Variants in PDE1C observed in about 807,000 individuals in gnomAD.
PDE1C encodes the protein phosphodiesterase 1C, also known as dual specificity calcium/calmodulin-dependent 3',5'-cyclic nucleotide phosphodiesterase 1C.
In PDE1C, 62 loss-of-function variants were observed where a neutral mutation model predicts 93.1. That is an observed-to-expected ratio of 0.67 (90% CI 0.54 to 0.82). The LOEUF is 0.82. PDE1C is among the 40% of genes least tolerant of loss of function. The probability of loss-of-function intolerance (pLI) is 0.00; values close to 1 mark genes in which losing one functional copy is unlikely to be tolerated. For missense variants in PDE1C, 742 were observed against 884.6 expected, an observed-to-expected ratio of 0.84 and a Z score of 2.04; for synonymous variants, 325 against 310.1, an observed-to-expected ratio of 1.05 and a Z score of -0.50.
chr7:31,792,217 T>C (rs969048242), intron 16 of PDE1C, among the ~76,000 whole-genome samples: 3 of 152,092 alleles, frequency 2.0e-5, no homozygotes, highest in Non-Finnish European at 4.4e-5. Context: ...GGTCCCTATA[T>C]CATAGCTACC....
At chr7:32,310,703 AC>A (rs2128904472) in intron 1 of PDE1C, among the ~76,000 whole-genome samples, 1 of 152,216 alleles carries the variant, frequency 6.6e-6, no homozygotes, top group South Asian at 2.1e-4. Flanking sequence ...TTTGAAACCA[AC>A]GAGAACAAAG....
At chr7:32,400,440 G>T (rs902926708) in intron 1 of PDE1C, among the ~76,000 whole-genome samples, 1 of 152,206 alleles carries the variant, frequency 6.6e-6, no homozygotes, top group Non-Finnish European at 1.5e-5. Flanking sequence ...GAAAATGGGA[G>T]TCTGTGGTCA....
chr7:32,283,432 T>C (rs918155512), intron 1 of PDE1C, among the ~76,000 whole-genome samples: 1 of 152,246 alleles, frequency 6.6e-6, no homozygotes, highest in Non-Finnish European at 1.5e-5. Context: ...GTGTTCTCTT[T>C]GCCAATCCCT....
At chr7:31,964,186 T>C (rs1331068245) in intron 2 of PDE1C, among the ~76,000 whole-genome samples, 1 of 152,134 alleles carries the variant, frequency 6.6e-6, no homozygotes, top group Non-Finnish European at 1.5e-5. Context: ...GTGCAAGTGG[T>C]CAAGGAATTC....
chr7:31,835,025 G>C (rs939722018), intron 11 of PDE1C, among the ~76,000 whole-genome samples: 2 of 152,078 alleles, frequency 1.3e-5, no homozygotes, highest in Non-Finnish European at 2.9e-5. Flanking sequence ...CATGAGATCT[G>C]ATGGTTTTAT....
chr7:32,093,971 T>C (rs990831626), intron 3 of PDE1C, among the ~76,000 whole-genome samples: 28 of 152,156 alleles, frequency 1.8e-4, no homozygotes, highest in African/African-American at 6.8e-4. Flanking sequence ...GGAGAGAAGG[T>C]TGAATGCGTC....
At chr7:32,227,447 T>G (rs1446258632) in intron 1 of PDE1C, among the ~76,000 whole-genome samples, 4 of 152,218 alleles carry the variant, frequency 2.6e-5, no homozygotes. Context: ...TCTCCCCTGG[T>G]AGACTGTCGG....
chr7:31,674,569 T>G, the PDE1C span, among the ~76,000 whole-genome samples: 1 of 152,034 alleles, frequency 6.6e-6, no homozygotes, highest in South Asian at 2.1e-4. Context: ...GATATAGAGA[T>G]AGAAAAATTG....
intron 3 of PDE1C, among the ~76,000 whole-genome samples, chr7:32,106,021 T>C (rs1199597922): frequency 6.6e-6 from 1 of 152,098 alleles, no homozygotes; most frequent in Non-Finnish European, 1.5e-5. Context: ...TTTAGTTTTA[T>C]TCTTTTTAGA....
At chr7:31,718,281 G>C in the PDE1C span, among the ~76,000 whole-genome samples, 1 of 151,990 alleles carries the variant, frequency 6.6e-6, no homozygotes, top group African/African-American at 2.4e-5. Flanking sequence ...AGACCGGGAG[G>C]AAGGCTTGGA....
At chr7:32,286,218 C>T (rs1426147945) in intron 1 of PDE1C, among the ~76,000 whole-genome samples, 1 of 152,162 alleles carries the variant, frequency 6.6e-6, no homozygotes, top group African/African-American at 2.4e-5. Flanking sequence ...ATAGATGTCC[C>T]AAAAGTGCTT....
intron 2 of PDE1C, among the ~76,000 whole-genome samples, chr7:31,936,195 C>T (rs1000584531): frequency 6.6e-6 from 1 of 151,772 alleles, no homozygotes; most frequent in African/African-American, 2.4e-5. Flanking sequence ...ATATACTCAA[C>T]ATTTGTTGAG....
At chr7:32,014,459 C>CT (rs903639559) in intron 2 of PDE1C, among the ~76,000 whole-genome samples, 27 of 146,606 alleles carry the variant, frequency 1.8e-4, no homozygotes, top group South Asian at 1.1e-3. Context: ...AAATATATGT[C>CT]TTTTTTTTTA....
At chr7:32,095,413 C>T (rs921604452) in intron 3 of PDE1C, among the ~76,000 whole-genome samples, 1 of 152,214 alleles carries the variant, frequency 6.6e-6, no homozygotes, top group Non-Finnish European at 1.5e-5. Context: ...TCAGTCCCTT[C>T]CTTCCAGACA....
At chr7:31,996,447 A>G (rs1784742404) in intron 2 of PDE1C, among the ~76,000 whole-genome samples, 1 of 152,232 alleles carries the variant, frequency 6.6e-6, no homozygotes, top group Admixed American at 6.5e-5. Flanking sequence ...GAAACTAGAG[A>G]GGCAAAAGGG....
chr7:32,160,317 G>T (rs979074562), intron 3 of PDE1C, among the ~76,000 whole-genome samples: 3 of 152,202 alleles, frequency 2.0e-5, no homozygotes, highest in Admixed American at 6.5e-5. Context: ...TCCCCTTAAA[G>T]TGGGGGCTCC....
At chr7:32,407,094 T>G (rs2094116220) in intron 1 of PDE1C, among the ~76,000 whole-genome samples, 1 of 152,042 alleles carries the variant, frequency 6.6e-6, no homozygotes. Flanking sequence ...GCCAACATGG[T>G]GAAACCCTGC....
chr7:31,971,431 C>T (rs1162436279), intron 2 of PDE1C, among the ~76,000 whole-genome samples: 1 of 152,138 alleles, frequency 6.6e-6, no homozygotes, highest in African/African-American at 2.4e-5. Context: ...TGCTGCAGCT[C>T]AGTTTCCTCA....
the PDE1C span, among the ~76,000 whole-genome samples, chr7:31,695,196 A>G: frequency 0.045 from 6,799 of 152,220 alleles, 251 homozygotes; most frequent in African/African-American, 0.094. Flanking sequence ...TTGCCGGACC[A>G]TATTTTTTAA....
Sources: allele counts gnomAD v4.1 joint callset (sites outside exome capture counted in the v4.1 genomes callset), GRCh38; gene constraint gnomAD v4.1.1; transcripts MANE v1.5; gene names NCBI Gene and HGNC (gene_info 2026-07-23, HGNC 2026-07-21).